EIF4G1: variants seen among roughly 807,000 people sequenced by gnomAD.
The protein encoded by EIF4G1 is EIF4-gamma.
EIF4G1 carries 4 observed loss-of-function variants against 187.8 expected under a neutral mutation model. That is an observed-to-expected ratio of 0.02 (90% CI 0.01 to 0.05). EIF4G1 has a LOEUF of 0.05. Among genes scored for constraint, EIF4G1 ranks in the 10% least tolerant of loss-of-function variants. EIF4G1 has a pLI of 1.00. For synonymous variants in EIF4G1, 844 were observed against 781.4 expected, an observed-to-expected ratio of 1.08 and a Z score of -1.34; for missense variants, 1,647 against 2,081.1, an observed-to-expected ratio of 0.79 and a Z score of 4.06.
chr3:184,316,322 T>A, intron 4 of EIF4G1, 104 bp downstream of exon 4: 1 of 1,420,284 alleles, frequency 7.0e-7, no homozygotes, highest in South Asian at 1.2e-5. Context: ...TACCTGGCCT[T>A]AATCCTCTGT....
Sources: allele counts gnomAD v4.1 joint callset, GRCh38; gene constraint gnomAD v4.1.1; transcripts MANE v1.5; gene names NCBI Gene and HGNC (gene_info 2026-07-23, HGNC 2026-07-21).